NEK11: variants seen among roughly 807,000 people sequenced by gnomAD.
The protein encoded by NEK11 is serine/threonine-protein kinase Nek11.
Under a neutral mutation model 80.7 loss-of-function variants are expected in NEK11, and 72 were observed. That is an observed-to-expected ratio of 0.89 (90% CI 0.74 to 1.08). The LOEUF is 1.08. Among genes scored for constraint, NEK11 ranks in the 50% least tolerant of loss-of-function variants. The probability of loss-of-function intolerance (pLI) is 0.00; values close to 1 mark genes in which losing one functional copy is unlikely to be tolerated. For synonymous variants in NEK11, 251 were observed against 260.7 expected, an observed-to-expected ratio of 0.96 and a Z score of 0.36; for missense variants, 764 against 763.6, an observed-to-expected ratio of 1.00 and a Z score of -0.01.
chr3:131,319,868 A>G (rs2096880534), intron 17 of NEK11, among the ~76,000 whole-genome samples: 2 of 152,094 alleles, frequency 1.3e-5, no homozygotes, highest in African/African-American at 2.4e-5. Flanking sequence ...TTTTAATTTC[A>G]TAAAAACAAG....
intron 4 of NEK11, among the ~76,000 whole-genome samples, chr3:131,103,275 C>T (rs949218222): frequency 1.3e-5 from 2 of 152,172 alleles, no homozygotes; most frequent in African/African-American, 4.8e-5. Flanking sequence ...TGAGTTGGTT[C>T]TTTCTCATCT....
At chr3:131,044,422 C>CGA (rs2067021722) in intron 3 of NEK11, among the ~76,000 whole-genome samples, 1 of 37,764 alleles carries the variant, frequency 2.6e-5, no homozygotes, top group Non-Finnish European at 3.9e-5. Flanking sequence ...AAATGGAAAG[C>CGA]AAAAAAAAAA....
chr3:131,281,458 A>C (rs1199431946), intron 17 of NEK11, among the ~76,000 whole-genome samples: 1 of 152,200 alleles, frequency 6.6e-6, no homozygotes, highest in Non-Finnish European at 1.5e-5. Context: ...ACAGCTTCCA[A>C]GTTCTCCTCT....
intron 10 of NEK11, among the ~76,000 whole-genome samples, chr3:131,162,001 A>G (rs2091655845): frequency 6.6e-6 from 1 of 152,188 alleles, no homozygotes; most frequent in African/African-American, 2.4e-5. Context: ...TTACTTGCCC[A>G]AGGCCACAGA....
At chr3:131,268,027 GTC>G (rs1486345863) in intron 16 of NEK11, among the ~76,000 whole-genome samples, 1 of 150,818 alleles carries the variant, frequency 6.6e-6, no homozygotes, top group African/African-American at 2.4e-5. Flanking sequence ...TAAGTTCATA[GTC>G]TCTGATATCC....
At chr3:131,072,796 G>C (rs2073642954) in intron 3 of NEK11, among the ~76,000 whole-genome samples, 1 of 152,172 alleles carries the variant, frequency 6.6e-6, no homozygotes, top group African/African-American at 2.4e-5. Flanking sequence ...TCTTCTACGA[G>C]ACAGCCCCAG....
intron 3 of NEK11, among the ~76,000 whole-genome samples, chr3:131,059,522 C>T (rs1488305572): frequency 6.6e-6 from 1 of 152,116 alleles, no homozygotes; most frequent in Non-Finnish European, 1.5e-5. Context: ...AGAGGCACAC[C>T]ATTCATTGAT....
At chr3:131,324,424 A>C (rs535771279) in intron 17 of NEK11, among the ~76,000 whole-genome samples, 1 of 152,320 alleles carries the variant, frequency 6.6e-6, no homozygotes, top group African/African-American at 2.4e-5. Flanking sequence ...AATTCTTCCA[A>C]CTTTATGCTC....
intron 17 of NEK11, among the ~76,000 whole-genome samples, chr3:131,335,776 G>C (rs2097171935): frequency 6.6e-6 from 1 of 152,172 alleles, no homozygotes; most frequent in Admixed American, 6.5e-5. Flanking sequence ...AAAGTCTCAG[G>C]ATAGAAAATC....
chr3:131,239,190 T>C (rs1426363874), intron 15 of NEK11, among the ~76,000 whole-genome samples: 1 of 151,888 alleles, frequency 6.6e-6, no homozygotes, highest in African/African-American at 2.4e-5. Context: ...TTTGGTGGGA[T>C]TTACTTCTCT....
rs139007487 is a variant in NEK11 at position 131,088,841 on chromosome 3, G to A, written c.336+8253G>A. Among the ~76,000 whole-genome samples, 359 of 152,194 alleles carry A rather than the reference G, an allele frequency of 2.4e-3. 1 individual carries two copies. Among genetic ancestry groups the A allele is most frequent in the African/African-American group, 8.1e-3 (338 of 41,526 alleles). ...TTTTTTTCTTGTTTTGCTTTTAAGA[G>A]CATAATGTGGCTTGACATTTCCCCC... is the stretch of plus-strand genomic sequence containing the variant. On this transcript the variant is annotated intron_variant, in intron 4 of 17. Coordinates refer to ENST00000383366, the MANE Select transcript of NEK11 (RefSeq NM_024800.5).
rs900633803 is a variant in NEK11, at chr3:131,038,679, A to G, written c.170+8801A>G. Among the ~76,000 whole-genome samples, 7 of 152,372 alleles carry G rather than the reference A, an allele frequency of 4.6e-5. No homozygotes were observed. In the South Asian group the frequency reaches 1.2e-3, roughly 27 times the overall value. ...TACTCAAAAATTCTTCTTAAAAATAATTCTTTTTTCTTACATTACTGTTGT... is the reference window on the plus strand; with the variant it reads ...TACTCAAAAATTCTTCTTAAAAATAGTTCTTTTTTCTTACATTACTGTTGT... On this transcript the variant is annotated intron_variant, in intron 3 of 17. Coordinates refer to ENST00000383366, the MANE Select transcript of NEK11 (RefSeq NM_024800.5).
At chr3:131,102,373 T>A (rs2078505432) in intron 4 of NEK11, among the ~76,000 whole-genome samples, 1 of 152,202 alleles carries the variant, frequency 6.6e-6, no homozygotes, top group Non-Finnish European at 1.5e-5. Context: ...CTGGTCTAGT[T>A]AAAATGAATT....
At chr3:131,203,759 GTGTGTGTGTATATATATATA>G (rs1560948345) in intron 14 of NEK11, among the ~76,000 whole-genome samples, 3 of 35,994 alleles carry the variant, frequency 8.3e-5, no homozygotes, top group African/African-American at 3.1e-4. Context: ...GTGTGTGTGT[GTGTGTGTGTATATATATATA>G]TATATATATA....
At chr3:131,248,463 G>T (rs1481147134) in intron 16 of NEK11, among the ~76,000 whole-genome samples, 1 of 152,058 alleles carries the variant, frequency 6.6e-6, no homozygotes, top group African/African-American at 2.4e-5. Flanking sequence ...GGAAGCTGAG[G>T]TTTGGGTCTG....
chr3:131,174,811 A>T lies in NEK11; in HGVS notation c.1399+3924A>T, dbSNP rs202173091. The T allele has an allele frequency of 2.1e-3, 3,455 of 1,609,844 alleles. 12 individuals carry two copies. Among genetic ancestry groups the T allele is most frequent in the Non-Finnish European group, 1.8e-3 (2,099 of 1,177,926 alleles). ...AGAGCAGTGTTTTTTCCAAAGCTGGAATAGCCTGAGACTCTAGGGCCTGGG... is the reference window on the plus strand; with the variant it reads ...AGAGCAGTGTTTTTTCCAAAGCTGGTATAGCCTGAGACTCTAGGGCCTGGG... On this transcript the variant is annotated intron_variant, in intron 14 of 17. Coordinates refer to ENST00000383366, the MANE Select transcript of NEK11 (RefSeq NM_024800.5).
intron 17 of NEK11, among the ~76,000 whole-genome samples, chr3:131,315,544 CTT>C (rs201472590): frequency 1.4e-5 from 2 of 143,520 alleles, no homozygotes; most frequent in East Asian, 4.0e-4. Context: ...TGCCATGCTT[CTT>C]TTTTTTTTTT....
At chr3:131,048,624 C>CA (rs774515939) in intron 3 of NEK11, among the ~76,000 whole-genome samples, 2 of 152,300 alleles carry the variant, frequency 1.3e-5, no homozygotes, top group Non-Finnish European at 2.9e-5. Context: ...TTTGGGCACT[C>CA]AGAGTGTTTT....
intron 4 of NEK11, among the ~76,000 whole-genome samples, chr3:131,100,410 A>G (rs993171470): frequency 1.3e-5 from 2 of 152,102 alleles, no homozygotes; most frequent in Non-Finnish European, 2.9e-5. Flanking sequence ...TCTGGCCAAC[A>G]TGGTGAAATC....
Sources: allele counts gnomAD v4.1 joint callset (sites outside exome capture counted in the v4.1 genomes callset), GRCh38; gene constraint gnomAD v4.1.1; transcripts MANE v1.5; gene names NCBI Gene and HGNC (gene_info 2026-07-23, HGNC 2026-07-21).